Variants in SVEP1 observed in about 807,000 individuals in gnomAD.
SVEP1 encodes sushi, von Willebrand factor type A, EGF and pentraxin domain containing 1.
SVEP1 carries 164 observed loss-of-function variants against 367.3 expected under a neutral mutation model. The observed-to-expected ratio is 0.45, with a 90% CI of 0.39 to 0.51. The LOEUF (loss-of-function observed/expected upper bound fraction) is 0.51, where lower values mean the gene tolerates loss of function less well. Ranked by LOEUF, SVEP1 falls within the 20% of genes least tolerant of loss-of-function variation. SVEP1 has a pLI of 0.00. For missense variants in SVEP1, 4,117 were observed against 4,425.3 expected, an observed-to-expected ratio of 0.93 and a Z score of 1.98; for synonymous variants, 1,666 against 1,611.6, an observed-to-expected ratio of 1.03 and a Z score of -0.81.
At chr9:110,389,690 C>G (rs1162213482) in intron 40 of SVEP1, 103 bp from the exon 41 acceptor site, 1 of 1,226,292 alleles carries the variant, frequency 8.2e-7, no homozygotes, top group African/African-American at 1.6e-5. Flanking sequence ...TCGCTCAGCA[C>G]TGGAATGCTA....
In SVEP1 at chr9:110,457,969, A is replaced by G. The variant is rs890458397; in HGVS notation, c.3576+502T>C. 1.5e-5 allele frequency: 5 copies of G among 338,494 alleles called. No individual in the cohort carries two copies. The East Asian group carries it at 3.8e-4, about 26-fold the overall frequency. The allele number at this position is 338,494 out of a possible 1,614,324, so 21.0% of individuals were successfully genotyped here. On this transcript the variant is annotated intron_variant, in intron 20 of 47. Transcript: ENST00000374469. ...CTATTAAAGTAACCAAGACTTAACA[A>G]CTAGTCTTGTAAAAAATATAAAGCA...
intron 3 of SVEP1, among the ~76,000 whole-genome samples, chr9:110,535,893 A>T (rs909354846): frequency 6.6e-6 from 1 of 152,062 alleles, no homozygotes; most frequent in Non-Finnish European, 1.5e-5. Context: ...CTAGATATGG[A>T]ATCATGTCTT....
chr9:110,398,846 C>G (rs1017188088), intron 40 of SVEP1, among the ~76,000 whole-genome samples: 23 of 152,312 alleles, frequency 1.5e-4, no homozygotes, highest in African/African-American at 5.3e-4. Context: ...CAGGAAACAA[C>G]AGGTGCTAGA....
intron 15 of SVEP1, 75 bp from the exon 16 acceptor site, chr9:110,471,672 C>A: frequency 3.6e-6 from 4 of 1,107,420 alleles, no homozygotes; most frequent in South Asian, 1.6e-5. Context: ...AATTTTTTAC[C>A]AAACAGAAAT....
At chr9:110,493,153 G>C (rs1829395658) in intron 8 of SVEP1, among the ~76,000 whole-genome samples, 1 of 152,044 alleles carries the variant, frequency 6.6e-6, no homozygotes, top group Non-Finnish European at 1.5e-5. Flanking sequence ...GGAGCTAAGG[G>C]GAAGGGCAGC....
At chr9:110,543,637 G>A (rs1351951335) in intron 3 of SVEP1, among the ~76,000 whole-genome samples, 5 of 152,190 alleles carry the variant, frequency 3.3e-5, no homozygotes, top group South Asian at 2.1e-4. Flanking sequence ...AGCAAGAGTC[G>A]CAGCACAGAG....
chr9:110,384,133 C>G (rs1207648835), intron 43 of SVEP1, among the ~76,000 whole-genome samples: 5 of 152,184 alleles, frequency 3.3e-5, no homozygotes. Context: ...CTACACAGCT[C>G]TGTGCTTGGG....
Position 110,579,664 on chromosome 9 carries a change from G to A in SVEP1, c.-121C>T. The A allele has an allele frequency of 8.3e-7, 1 of 1,210,830 alleles. No homozygotes were observed. Among genetic ancestry groups the A allele is most frequent in the Non-Finnish European group, 1.1e-6 (1 of 916,366 alleles). The allele number at this position is 1,210,830 out of a possible 1,614,324, so 75.0% of individuals were successfully genotyped here. On this transcript the variant is annotated 5_prime_UTR_variant, in exon 1 of 48. Coordinates refer to ENST00000374469, the MANE Select transcript of SVEP1 (RefSeq NM_153366.4). This position sits in a 1 kb window ranked among gnomAD's most constrained non-coding sequence, Gnocchi z 5.3. ...GCTGGGCGCGGGGCAGCGGCCAAGA[G>A]CCTCAGCGCCCTTTCATCTGACACT...
rs1362318726 is a variant in SVEP1, at chr9:110,579,000, G to A, written c.531+13C>T. 6.5e-7 allele frequency: 1 copy of A among 1,531,580 alleles called. No homozygotes were observed. The highest frequency in any genetic ancestry group is 1.2e-5 in the South Asian group (1 of 81,182). The allele number at this position is 1,531,580 out of a possible 1,614,324, so 94.9% of individuals were successfully genotyped here. On this transcript the variant is annotated intron_variant, in intron 1 of 47. Transcript: ENST00000374469. ...GGGACTAGGGCCCGGGTCGGGAGGGGCGGGCGCCTTACCGCGGCTTGCTGG... is the reference window on the plus strand; with the variant it reads ...GGGACTAGGGCCCGGGTCGGGAGGGACGGGCGCCTTACCGCGGCTTGCTGG...
At chr9:110,447,665 G>A (rs1470111567) in intron 24 of SVEP1, among the ~76,000 whole-genome samples, 2 of 148,950 alleles carry the variant, frequency 1.3e-5, no homozygotes, top group Non-Finnish European at 3.0e-5. Context: ...CCCATATAGT[G>A]AGTAAGACTA....
chr9:110,478,355 T>C lies in SVEP1; in HGVS notation c.2487+1280A>G, dbSNP rs1829131006. Among the ~76,000 whole-genome samples the C allele has an allele frequency of 3.3e-5, 5 of 152,340 alleles. No homozygotes were observed. In the South Asian group the frequency reaches 1.0e-3, roughly 32 times the overall value. ...TTCTATAAGCACAGGGAGTTTTGCC[T>C]GTTTATTCAGATCTAAATCCCTAGT... is the stretch of plus-strand genomic sequence containing the variant. On this transcript the variant is annotated intron_variant, in intron 13 of 47. Transcript: ENST00000374469.
At chr9:110,556,274 G>T (rs1931308) in intron 1 of SVEP1, among the ~76,000 whole-genome samples, 17,147 of 152,086 alleles carry the variant, frequency 0.11, 1,343 homozygotes, top group East Asian at 0.33. Flanking sequence ...CCCACTCCAT[G>T]TCAGGCTGCA....
intron 3 of SVEP1, among the ~76,000 whole-genome samples, chr9:110,515,238 A>G (rs1829784313): frequency 1.3e-5 from 2 of 152,016 alleles, no homozygotes; most frequent in African/African-American, 4.8e-5. Flanking sequence ...GCATAGTCCC[A>G]GGTTGCATTT....
At chr9:110,572,956 G>A (rs1429694896) in intron 1 of SVEP1, among the ~76,000 whole-genome samples, 1 of 151,868 alleles carries the variant, frequency 6.6e-6, no homozygotes, top group Non-Finnish European at 1.5e-5. Context: ...TGATAAGGTT[G>A]AAAAAGAGAT....
intron 35 of SVEP1, 48 bp downstream of exon 35, chr9:110,429,095 G>C (rs768155062): frequency 7.2e-7 from 1 of 1,394,138 alleles, no homozygotes; most frequent in East Asian, 2.5e-5. Flanking sequence ...AATAGGGAGC[G>C]AGTAACACAG....
Position 110,481,244 on chromosome 9 carries a change from GCA to G in SVEP1, c.2361_2362del (p.Ala788GlnfsTer13). 1 of 1,558,356 alleles carries G rather than the reference GCA, an allele frequency of 6.4e-7. No individual in the cohort carries two copies. Among genetic ancestry groups the G allele is most frequent in the Non-Finnish European group, 8.7e-7 (1 of 1,149,564 alleles). Reference sequence around the variant, plus strand: ...TCTAGAATAAAATTAAAACTTACTGGCACAGTCTGGCCATTCAGTGGTATATG... The same window carrying G: ...TCTAGAATAAAATTAAAACTTACTGGCAGTCTGGCCATTCAGTGGTATATG... On this transcript the variant is annotated frameshift_variant, in exon 12 of 48. Coordinates refer to ENST00000374469, the MANE Select transcript of SVEP1 (RefSeq NM_153366.4). LOFTEE classifies it high-confidence loss of function.
intron 9 of SVEP1, among the ~76,000 whole-genome samples, chr9:110,485,191 C>G (rs1387749973): frequency 6.6e-6 from 1 of 152,144 alleles, no homozygotes; most frequent in African/African-American, 2.4e-5. Context: ...ACCCAAATGC[C>G]CACCAATGAT....
chr9:110,566,667 G>C (rs1359130687), intron 1 of SVEP1, among the ~76,000 whole-genome samples: 1 of 152,154 alleles, frequency 6.6e-6, no homozygotes, highest in Non-Finnish European at 1.5e-5. Context: ...CTCCACCTGA[G>C]CCAAAAAGTA....
rs187263093 is a variant in SVEP1, at chr9:110,411,569, A to G, written c.6142T>C (p.Ser2048Pro). Residue 2048 changes from serine (S) to proline (P), a missense_variant, in exon 37 of 48, where the codon TCT becomes CCT. Transcript: ENST00000374469. ...TTGTCTGCTAGGCTGTAACCATCAG[A>G]GCAGTAGTAGAATGCAATGTCTCCA... Reference protein sequence around the residue: ...LFGDIAFYYCSDGYSLADNSQ... With the variant: ...LFGDIAFYYCPDGYSLADNSQ... 1 of 1,614,004 alleles carries G rather than the reference A, an allele frequency of 6.2e-7. No homozygotes were observed. The highest frequency in any genetic ancestry group is 8.5e-7 in the Non-Finnish European group (1 of 1,179,900).
Sources: gnomAD v4.1 joint callset for allele counts (sites outside exome capture counted in the v4.1 genomes callset) on GRCh38, gnomAD v4.1.1 for gene constraint, Gnocchi (gnomAD v3.1) non-coding constraint, MANE v1.5 for transcripts, NCBI Gene and HGNC (gene_info 2026-07-23, HGNC 2026-07-21) for gene names.